LY6K: variants seen among roughly 807,000 people sequenced by gnomAD.
LY6K encodes lymphocyte antigen 6 family member K.
Under a neutral mutation model 10.4 loss-of-function variants are expected in LY6K, and 9 were observed. The ratio of observed to expected loss-of-function variants is 0.87; its 90% CI spans 0.52 to 1.52. LY6K has a LOEUF of 1.52. Ranked by LOEUF, LY6K falls within the 40% of genes most tolerant of loss-of-function variation. LY6K has a pLI of 0.00. For synonymous variants in LY6K, 98 were observed against 83.7 expected (o/e 1.17, Z -0.94); for missense variants, 217 against 211.7 (o/e 1.02, Z -0.15).
Position 142,703,442 on chromosome 8 carries a change from T to TA in LY6K, c.*74dup. The TA allele has an allele frequency of 6.6e-7, 1 of 1,519,232 alleles. No individual in the cohort carries two copies. The highest frequency in any genetic ancestry group is 8.8e-7 in the Non-Finnish European group (1 of 1,136,574). The allele number at this position is 1,519,232 out of a possible 1,614,324, so 94.1% of individuals were successfully genotyped here. On this transcript the variant is annotated 3_prime_UTR_variant, in exon 3 of 3. Transcript: ENST00000292430. ...TCCAGACCGTTGTCACCTGTTGCAT[T>TA]AAACTTGTTTTCTGTTGATTACCTC...
In LY6K at chr8:142,703,490, T is replaced by C; in HGVS notation, c.*119T>C. 7.9e-7 allele frequency: 1 copy of C among 1,271,270 alleles called. No individual in the cohort carries two copies. The highest frequency in any genetic ancestry group is 2.5e-5 in the East Asian group (1 of 40,486). The allele number at this position is 1,271,270 out of a possible 1,614,324, so 78.7% of individuals were successfully genotyped here. The stretch of plus-strand genomic sequence containing the variant: ...CTCTTGGTTTGACTTCCCAGGGTCT[T>C]GGGATGGGAGAGTGGGGATCAGGTG... On this transcript the variant is annotated 3_prime_UTR_variant, in exon 3 of 3. Coordinates refer to ENST00000292430, the MANE Select transcript of LY6K (RefSeq NM_017527.4).
chr8:142,701,800 G>A, intron 2 of LY6K, 87 bp downstream of exon 2: 2 of 806,332 alleles, frequency 2.5e-6, no homozygotes, highest in Non-Finnish European at 2.1e-6. Flanking sequence ...TCCTCAATGG[G>A]GAATAACTAA....
rs587674179 is a variant in LY6K at position 142,704,297 on chromosome 8, A to G, written c.*926A>G. On this transcript the variant is annotated 3_prime_UTR_variant, in exon 3 of 3. Transcript: ENST00000292430. ...TCCCTAAAGAATTGGGCACCCTGGG[A>G]ATTTAACCATGCCACTTCAGTCTTT... 20 of 152,356 alleles carry G rather than the reference A, an allele frequency of 1.3e-4. No individual in the cohort carries two copies. The highest frequency in any genetic ancestry group is 2.5e-4 in the Non-Finnish European group (17 of 68,032). The allele number at this position is 152,356 out of a possible 1,614,324, so 9.4% of individuals were successfully genotyped here.
chr8:142,702,396 T>C (rs1815075156), intron 2 of LY6K: 2 of 1,198,378 alleles, frequency 1.7e-6, no homozygotes, highest in Non-Finnish European at 2.4e-6. Flanking sequence ...GCCTTAAAAA[T>C]TGTGGAGACC....
rs782147030 is a variant in LY6K at position 142,701,651 on chromosome 8, T to C, written c.155T>C (p.Phe52Ser). 3.7e-6 allele frequency: 6 copies of C among 1,613,964 alleles called. No homozygotes were observed. Among genetic ancestry groups the C allele is most frequent in the Non-Finnish European group, 5.1e-6 (6 of 1,179,994 alleles). The change falls in exon 2 of 3, where the codon TTC becomes TCC. Residue 52 changes from phenylalanine (F) to serine (S), a missense_variant. Coordinates refer to ENST00000292430, the MANE Select transcript of LY6K (RefSeq NM_017527.4). ...CATGTTTGTGAGAGAGAAAACACTT[T>C]CGAGTGCCAGAACCCAAGGAGGTGC... ...WCHVCERENTFECQNPRRCKW... is the reference protein window; with the variant it reads ...WCHVCERENTSECQNPRRCKW...
chr8:142,701,525 C>T (rs1587560726), intron 1 of LY6K, 75 bp from the exon 2 acceptor site: 5 of 975,852 alleles, frequency 5.1e-6, no homozygotes, highest in South Asian at 2.8e-5. Context: ...TTGTGCTGGT[C>T]GGATGCCGGC....
intron 2 of LY6K, chr8:142,702,561 A>T (rs1815081443): frequency 6.5e-7 from 1 of 1,535,574 alleles, no homozygotes; most frequent in Non-Finnish European, 8.7e-7. Flanking sequence ...GCCCTTCGGT[A>T]TCCACGAAGT....
At chr8:142,702,691 C>G (rs1815086716) in intron 2 of LY6K, 5 of 1,510,542 alleles carry the variant, frequency 3.3e-6, no homozygotes, top group Non-Finnish European at 4.4e-6. Flanking sequence ...GAGACAAGAC[C>G]CCCAGCTCAG....
chr8:142,702,982 A>G, intron 2 of LY6K, 109 bp from the exon 3 acceptor site: 1 of 1,558,536 alleles, frequency 6.4e-7, no homozygotes, highest in Non-Finnish European at 8.7e-7. Context: ...TTGACTGTGC[A>G]CCTTTGAGCA....
intron 1 of LY6K, 110 bp from the exon 2 acceptor site, chr8:142,701,490 G>C: frequency 1.4e-6 from 1 of 710,840 alleles, no homozygotes; most frequent in Non-Finnish European, 2.5e-6. Context: ...CTGCTCAGGG[G>C]GAGAAGGATG....
chr8:142,700,185 C>A lies in LY6K; in HGVS notation c.-343C>A. The stretch of plus-strand genomic sequence containing the variant: ...TGGCCGCCGGCCACTTTCTGTGGGC[C>A]GTGGGGTCCTCAAGGAGACGGCCCT... On this transcript the variant is annotated 5_prime_UTR_variant, in exon 1 of 3. Transcript: ENST00000292430. 2.6e-6 allele frequency: 1 copy of A among 381,142 alleles called. No homozygotes were observed. The highest frequency in any genetic ancestry group is 3.9e-6 in the Non-Finnish European group (1 of 254,816). The allele number at this position is 381,142 out of a possible 1,614,324, so 23.6% of individuals were successfully genotyped here.
chr8:142,703,159 A>C lies in LY6K; in HGVS notation c.286A>C (p.Lys96Gln), dbSNP rs1175196201. 6.2e-7 allele frequency: 1 copy of C among 1,614,116 alleles called. No homozygotes were observed. The highest frequency in any genetic ancestry group is 8.5e-7 in the Non-Finnish European group (1 of 1,180,050). ...SAGCAAMERP[K>Q]PEEKRFLLEE... The stretch of plus-strand genomic sequence containing the variant: ...TGGTTGTGCAGCGATGGAGAGACCC[A>C]AGCCAGAGGAGAAGCGGTTTCTCCT... The change falls in exon 3 of 3, where the codon AAG (lysine) becomes CAG (glutamine). Residue 96 changes from lysine to glutamine, a missense_variant. Transcript: ENST00000292430.
rs1814949840 is a variant in LY6K, at chr8:142,700,338, G to A, written c.-190G>A. 7.6e-7 allele frequency: 1 copy of A among 1,308,520 alleles called. No homozygotes were observed. The allele number at this position is 1,308,520 out of a possible 1,614,324, so 81.1% of individuals were successfully genotyped here. On this transcript the variant is annotated 5_prime_UTR_variant, in exon 1 of 3. Coordinates refer to ENST00000292430, the MANE Select transcript of LY6K (RefSeq NM_017527.4). ...GAACCGGCGTTCAGGGCCGCCAGCG[G>A]CCGCGAGGCCCTGAGATGAGGCTCC... is the stretch of plus-strand genomic sequence containing the variant.
In LY6K at chr8:142,704,541, G is replaced by A. The variant is rs1815149359; in HGVS notation, c.*1170G>A. 1 of 152,216 alleles carries A rather than the reference G, an allele frequency of 6.6e-6. No homozygotes were observed. The highest frequency in any genetic ancestry group is 6.5e-5 in the Admixed American group (1 of 15,282). The allele number at this position is 152,216 out of a possible 1,614,324, so 9.4% of individuals were successfully genotyped here. Reference sequence around the variant, plus strand: ...TTTCCGGGGTGACGATTTCCTGGGTGTTTTCCTGCTAAATCGTTGGCTGAC... The same window carrying A: ...TTTCCGGGGTGACGATTTCCTGGGTATTTTCCTGCTAAATCGTTGGCTGAC... On this transcript the variant is annotated 3_prime_UTR_variant, in exon 3 of 3. Coordinates refer to ENST00000292430, the MANE Select transcript of LY6K (RefSeq NM_017527.4).
rs1815128637 is a variant in LY6K, at chr8:142,703,571, TCTC to T, written c.*203_*205del. The T allele has an allele frequency of 3.3e-6, 2 of 597,852 alleles. No individual in the cohort carries two copies. Among genetic ancestry groups the T allele is most frequent in the African/African-American group, 3.7e-5 (2 of 54,052 alleles). The allele number at this position is 597,852 out of a possible 1,614,324, so 37.0% of individuals were successfully genotyped here. ...AACTCACATTCAGAGGAAGTCCAGA[TCTC>T]CTGAGTAGTGATTTTGGTGACAAGT... On this transcript the variant is annotated 3_prime_UTR_variant, in exon 3 of 3. Coordinates refer to ENST00000292430, the MANE Select transcript of LY6K (RefSeq NM_017527.4).
Position 142,701,595 on chromosome 8 carries a change from T to C in LY6K, c.104-5T>C. ...TTCTGCTTTCTTTTTTATTCCTCCT[T>C]TCAGACGAGGGTGACAATAGAGTGT... is the stretch of plus-strand genomic sequence containing the variant. On this transcript the variant is annotated splice_region_variant and splice_polypyrimidine_tract_variant and intron_variant, in intron 1 of 2. Transcript: ENST00000292430. 1.9e-6 allele frequency: 3 copies of C among 1,587,824 alleles called. No individual in the cohort carries two copies. Among genetic ancestry groups the C allele is most frequent in the Non-Finnish European group, 2.6e-6 (3 of 1,156,146 alleles).
At position 142,705,043 on chromosome 8, in the gene LY6K, A is replaced by G. The variant is rs2082801; in HGVS notation, c.*1672A>G. The G allele has an allele frequency of 0.43, 64,858 of 152,140 alleles. 13,900 individuals carry two copies. Among genetic ancestry groups the G allele is most frequent in the Non-Finnish European group, 0.46 (31,193 of 67,998 alleles). 9.4% of individuals were successfully genotyped at this position (152,140 alleles called of 1,614,324 possible). A position where few individuals can be genotyped will look rare whatever the true frequency, so the allele number is the denominator to read the frequency against. ...CAAACAAGATGAATTGTTTCCTCAC[A>G]GACTGATGTGGCTGGCCTGCTGCTG... On this transcript the variant is annotated 3_prime_UTR_variant, in exon 3 of 3. Transcript: ENST00000292430.
chr8:142,700,313 G>A lies in LY6K; in HGVS notation c.-215G>A. 7.7e-7 allele frequency: 1 copy of A among 1,295,498 alleles called. No individual in the cohort carries two copies. Among genetic ancestry groups the A allele is most frequent in the Non-Finnish European group, 9.8e-7 (1 of 1,021,738 alleles). 80.3% of individuals were successfully genotyped at this position (1,295,498 alleles called of 1,614,324 possible). A position where few individuals can be genotyped will look rare whatever the true frequency, so the allele number is the denominator to read the frequency against. On this transcript the variant is annotated 5_prime_UTR_variant, in exon 1 of 3. Coordinates refer to ENST00000292430, the MANE Select transcript of LY6K (RefSeq NM_017527.4). ...CAACAGCAGCACAAGGCGGGACTCA[G>A]AACCGGCGTTCAGGGCCGCCAGCGG...
rs1485729700 is a variant in LY6K, at chr8:142,704,784, G to A, written c.*1413G>A. Reference sequence around the variant, plus strand: ...ACTGGTTAAGCCACATTTCATCTCCGGCTATAATTATATGAAGAAATGCTT... The same window carrying A: ...ACTGGTTAAGCCACATTTCATCTCCAGCTATAATTATATGAAGAAATGCTT... On this transcript the variant is annotated 3_prime_UTR_variant, in exon 3 of 3. Transcript: ENST00000292430. 6.6e-6 allele frequency: 1 copy of A among 151,974 alleles called. No individual in the cohort carries two copies. Among genetic ancestry groups the A allele is most frequent in the Non-Finnish European group, 1.5e-5 (1 of 67,996 alleles). The allele number at this position is 151,974 out of a possible 1,614,324, so 9.4% of individuals were successfully genotyped here. A position where few individuals can be genotyped will look rare whatever the true frequency, so the allele number is the denominator to read the frequency against.
Sources: gnomAD v4.1 joint callset for allele counts on GRCh38, gnomAD v4.1.1 for gene constraint, MANE v1.5 for transcripts, NCBI Gene and HGNC (gene_info 2026-07-23, HGNC 2026-07-21) for gene names.